The following SLC39A10 variants were observed in gnomAD, a reference collection of about 807,000 sequenced individuals.
The protein encoded by SLC39A10 is zinc transporter ZIP10.
SLC39A10 carries 13 observed loss-of-function variants against 65.1 expected under a neutral mutation model. The observed-to-expected ratio is 0.20, with a 90% CI of 0.13 to 0.32. The LOEUF is 0.32. Ranked by LOEUF, SLC39A10 falls within the 10% of genes least tolerant of loss-of-function variation. SLC39A10 has a pLI of 1.00. For synonymous variants in SLC39A10, 321 were observed against 342.2 expected, an observed-to-expected ratio of 0.94 and a Z score of 0.68; for missense variants, 831 against 1,018.4, an observed-to-expected ratio of 0.82 and a Z score of 2.50.
chr2:195,683,823 A>G lies in SLC39A10; in HGVS notation c.1133A>G (p.Glu378Gly). ...CAAATCGACAGCAGACTTTGTATTG[A>G]GCATTTTGACAAACTTTTAGTTGAA... ...LYQIDSRLCIEHFDKLLVEDI... is the reference protein window; with the variant it reads ...LYQIDSRLCIGHFDKLLVEDI... Residue 378 changes from glutamate to glycine, a missense_variant, in exon 3 of 10, where the codon GAG becomes GGG. Around this residue, in one of 4 missense-constraint regions of SLC39A10, gnomAD observed 446 missense variants for 499.2 expected, o/e 0.89. Coordinates refer to ENST00000359634, the MANE Select transcript of SLC39A10 (RefSeq NM_020342.3). The G allele has an allele frequency of 6.2e-7, 1 of 1,613,420 alleles. No individual in the cohort carries two copies. The highest frequency in any genetic ancestry group is 8.5e-7 in the Non-Finnish European group (1 of 1,179,542).
chr2:195,677,893 G>A (rs1303551913), intron 1 of SLC39A10, among the ~76,000 whole-genome samples: 1 of 151,970 alleles, frequency 6.6e-6, no homozygotes, highest in African/African-American at 2.4e-5. Context: ...GGGCTTACAG[G>A]CACATGCCAC....
chr2:195,630,918 G>T (rs2105696621), intron 2 of SLC39A10, among the ~76,000 whole-genome samples: 1 of 152,326 alleles, frequency 6.6e-6, no homozygotes, highest in South Asian at 2.1e-4. Context: ...GCCTGGTGCG[G>T]TGGCTCATGC....
At chr2:195,614,651 G>C (rs909737402) in intron 2 of SLC39A10, among the ~76,000 whole-genome samples, 2 of 152,134 alleles carry the variant, frequency 1.3e-5, no homozygotes, top group African/African-American at 4.8e-5. Context: ...TTAAGCTTTA[G>C]ACAAACTCTG....
Position 195,680,679 on chromosome 2 carries a change from C to T in SLC39A10, c.637C>T (p.Pro213Ser), listed in dbSNP as rs773690308. ...TGAGCGTGGGGAGCCTAGCAATGAA[C>T]CTTCAACAGAGACCAATAAAACCCA... ...PSERGEPSNE[P>S]STETNKTQEQ... is the part of the protein sequence containing the mutation. The change falls in exon 2 of 10, where the codon CCT (proline) becomes TCT (serine). Residue 213 changes from proline (P) to serine (S), a missense_variant. Coordinates refer to ENST00000359634, the MANE Select transcript of SLC39A10 (RefSeq NM_020342.3). 5.0e-6 allele frequency: 8 copies of T among 1,614,032 alleles called. 1 individual carries two copies. The South Asian group carries it at 8.8e-5, about 18-fold the overall frequency.
intron 8 of SLC39A10, among the ~76,000 whole-genome samples, chr2:195,720,202 C>T (rs758666744): frequency 6.6e-6 from 1 of 152,236 alleles, no homozygotes; most frequent in Non-Finnish European, 1.5e-5. Flanking sequence ...GCCGAGATTA[C>T]AGGTGTGAGC....
At chr2:195,641,717 G>T (rs188664542) in intron 2 of SLC39A10, among the ~76,000 whole-genome samples, 2 of 135,846 alleles carry the variant, frequency 1.5e-5, no homozygotes, top group African/African-American at 2.8e-5. Flanking sequence ...TTGGAGTCTC[G>T]CTCTGGGAGT....
In SLC39A10 at chr2:195,718,309, G is replaced by A. The variant is rs1166003316; in HGVS notation, c.2123G>A (p.Cys708Tyr). 1.2e-6 allele frequency: 2 copies of A among 1,607,226 alleles called. No homozygotes were observed. Among genetic ancestry groups the A allele is most frequent in the Non-Finnish European group, 1.7e-6 (2 of 1,175,182 alleles). Residue 708 changes from cysteine to tyrosine, a missense_variant, in exon 8 of 10, where the codon TGT becomes TAT. Physicochemically the swap from Cys to Tyr is radical, Grantham distance 194. Coordinates refer to ENST00000359634, the MANE Select transcript of SLC39A10 (RefSeq NM_020342.3). ...GGISTSIAVFCHELPHELGDF... is the reference protein window; with the variant it reads ...GGISTSIAVFYHELPHELGDF... ...ATCAGTACTTCTATAGCCGTCTTCTGTCATGAACTGCCACATGAATTAGGT... is the reference window on the plus strand; with the variant it reads ...ATCAGTACTTCTATAGCCGTCTTCTATCATGAACTGCCACATGAATTAGGT...
chr2:195,621,083 CA>C (rs1349504337), intron 2 of SLC39A10, among the ~76,000 whole-genome samples: 8 of 152,166 alleles, frequency 5.3e-5, no homozygotes, highest in Non-Finnish European at 1.0e-4. Flanking sequence ...TAATTTATCT[CA>C]AATTTATCTA....
chr2:195,630,639 C>A (rs1000956410), intron 2 of SLC39A10, among the ~76,000 whole-genome samples: 1 of 152,156 alleles, frequency 6.6e-6, no homozygotes, highest in African/African-American at 2.4e-5. Context: ...CAAAAGACTG[C>A]AACAAGGGCA....
At chr2:195,671,506 T>G (rs866252546) in intron 1 of SLC39A10, among the ~76,000 whole-genome samples, 2 of 152,314 alleles carry the variant, frequency 1.3e-5, no homozygotes, top group South Asian at 4.1e-4. Flanking sequence ...ACTAACATAT[T>G]CTTAATGCAT....
intron 8 of SLC39A10, among the ~76,000 whole-genome samples, chr2:195,721,609 TCTAA>T (rs773212346): frequency 2.6e-5 from 4 of 152,360 alleles, no homozygotes; most frequent in East Asian, 1.9e-4. Flanking sequence ...TATGCTCTTC[TCTAA>T]CTATCACATA....
chr2:195,641,737 G>A (rs2105705613), intron 2 of SLC39A10, among the ~76,000 whole-genome samples: 1 of 150,022 alleles, frequency 6.7e-6, no homozygotes, highest in East Asian at 2.0e-4. Context: ...TCTTGCCCAG[G>A]CTGGAGTGCA....
chr2:195,716,222 A>G (rs1691801477), intron 6 of SLC39A10, among the ~76,000 whole-genome samples: 2 of 152,170 alleles, frequency 1.3e-5, no homozygotes, highest in South Asian at 2.1e-4. Context: ...GGCTGCTGCA[A>G]TAAGGGAGGA....
intron 3 of SLC39A10, among the ~76,000 whole-genome samples, chr2:195,698,210 G>GA (rs1463433879): frequency 6.6e-6 from 1 of 152,088 alleles, no homozygotes; most frequent in Non-Finnish European, 1.5e-5. Context: ...CAGGCAACTT[G>GA]AAAAATCAAG....
chr2:195,681,275 C>T (rs1346380591), intron 2 of SLC39A10, among the ~76,000 whole-genome samples: 1 of 152,084 alleles, frequency 6.6e-6, no homozygotes, highest in Admixed American at 6.6e-5. Flanking sequence ...ACCTGTAATC[C>T]CAGCACTTTG....
rs1249333811 is a variant in SLC39A10, at chr2:195,717,070, G to A, written c.2065+65G>A. On this transcript the variant is annotated intron_variant, in intron 7 of 9. Coordinates refer to ENST00000359634, the MANE Select transcript of SLC39A10 (RefSeq NM_020342.3). ...GACTATAATATGTATGATTAAATTT[G>A]GCTGGAGCTTAACAAATATATGGTT... is the stretch of plus-strand genomic sequence containing the variant. The A allele has an allele frequency of 5.8e-6, 9 of 1,539,192 alleles. No homozygotes were observed. The African/African-American group carries it at 8.3e-5, about 14-fold the overall frequency.
intron 3 of SLC39A10, among the ~76,000 whole-genome samples, chr2:195,704,723 C>A (rs73054456): frequency 2.0e-5 from 3 of 152,058 alleles, no homozygotes; most frequent in African/African-American, 7.2e-5. Context: ...CAGCTCCCCG[C>A]GGTTTGTCAT....
chr2:195,714,231 G>A (rs1691706760), intron 6 of SLC39A10, among the ~76,000 whole-genome samples: 1 of 151,904 alleles, frequency 6.6e-6, no homozygotes, highest in South Asian at 2.1e-4. Context: ...GCGCCCGGCC[G>A]ACAAATACTT....
chr2:195,733,919 T>A (rs1358638973), intron 9 of SLC39A10, among the ~76,000 whole-genome samples: 2 of 152,104 alleles, frequency 1.3e-5, no homozygotes, highest in African/African-American at 2.4e-5. Flanking sequence ...GAATACACTG[T>A]GAGGGCAGTG....
Sources: allele counts gnomAD v4.1 joint callset (sites outside exome capture counted in the v4.1 genomes callset), GRCh38; gene constraint gnomAD v4.1.1; regional missense constraint gnomAD v4.1.1; transcripts MANE v1.5; gene names NCBI Gene and HGNC (gene_info 2026-07-23, HGNC 2026-07-21).